BANP: variants seen among roughly 807,000 people sequenced by gnomAD.
BANP encodes BTG3 associated nuclear protein.
In BANP, 11 loss-of-function variants were observed where a neutral mutation model predicts 68.1. The observed-to-expected ratio is 0.16, with a 90% CI of 0.10 to 0.27. The LOEUF (loss-of-function observed/expected upper bound fraction) is 0.27, where lower values mean the gene tolerates loss of function less well. Ranked by LOEUF, BANP falls within the 10% of genes least tolerant of loss-of-function variation. BANP has a pLI of 1.00. For missense variants in BANP, 504 were observed against 722.7 expected (o/e 0.70, Z 3.47); for synonymous variants, 329 against 303.2 (o/e 1.09, Z -0.88).
At position 88,035,403 on chromosome 16, in the gene BANP, G is replaced by T. The variant is rs777301306; in HGVS notation, c.1272+9G>T. The T allele has an allele frequency of 9.4e-6, 15 of 1,601,958 alleles. No homozygotes were observed. In the South Asian group the frequency reaches 1.3e-4, roughly 14 times the overall value. On this transcript the variant is annotated intron_variant, in intron 10 of 13. Coordinates refer to ENST00000682872, the MANE Select transcript of BANP (RefSeq NM_001386991.1). ...TCACGCAGGACAGCGAGGTGAGTCA[G>T]CTCTCGCTGCAGCACTGTCCCTGCA...
intron 12 of BANP, among the ~76,000 whole-genome samples, chr16:88,068,058 C>G (rs534388357): frequency 2.0e-5 from 3 of 152,240 alleles, no homozygotes. Flanking sequence ...CACTGCTCTG[C>G]GTGTGGCCAC....
chr16:87,996,164 G>C (rs1231775088), intron 4 of BANP, among the ~76,000 whole-genome samples: 3 of 152,204 alleles, frequency 2.0e-5, no homozygotes. Flanking sequence ...ACCGACGGCG[G>C]TGTCTGGAGT....
At chr16:87,990,651 ATTCTT>A (rs1200513356) in intron 4 of BANP, among the ~76,000 whole-genome samples, 3 of 152,126 alleles carry the variant, frequency 2.0e-5, no homozygotes, top group African/African-American at 4.8e-5. Context: ...GTTTTGTTTA[ATTCTT>A]TTCTTATTTA....
At chr16:88,055,923 T>C (rs1598942631) in intron 11 of BANP, among the ~76,000 whole-genome samples, 1 of 152,202 alleles carries the variant, frequency 6.6e-6, no homozygotes, top group African/African-American at 2.4e-5. Context: ...GAAAATGTAA[T>C]TTAAATCATA....
At chr16:87,999,233 C>T (rs539623627) in intron 4 of BANP, among the ~76,000 whole-genome samples, 14 of 131,848 alleles carry the variant, frequency 1.1e-4, no homozygotes, top group African/African-American at 4.1e-4. Flanking sequence ...TCTCCATGCA[C>T]GCACGTGCGC....
At chr16:87,981,219 T>C in intron 3 of BANP, 92 bp downstream of exon 3, 11 of 954,284 alleles carry the variant, frequency 1.2e-5, no homozygotes, top group South Asian at 1.1e-4. Context: ...GGCTTCAAAA[T>C]GTAGCCTCTC....
intron 1 of BANP, among the ~76,000 whole-genome samples, chr16:87,958,876 G>A (rs1024144149): frequency 6.6e-6 from 1 of 152,240 alleles, no homozygotes; most frequent in African/African-American, 2.4e-5. Context: ...GCCCAGCAGT[G>A]TTTGCAGAGG....
rs4843843 is a variant in BANP at position 88,011,096 on chromosome 16, A to T, written c.655+4831A>T. 2.6e-5 allele frequency among the ~76,000 whole-genome samples: 4 copies of T among 152,288 alleles called. No individual in the cohort carries two copies. The East Asian group carries it at 7.7e-4, about 29-fold the overall frequency. On this transcript the variant is annotated intron_variant, in intron 6 of 13. Coordinates refer to ENST00000682872, the MANE Select transcript of BANP (RefSeq NM_001386991.1). The stretch of plus-strand genomic sequence containing the variant: ...GGGAGACAGCAGCGTGAGAACAGTC[A>T]TGGCTCTGAGTGCCACAGAGCGGCC...
intron 4 of BANP, among the ~76,000 whole-genome samples, chr16:87,985,377 G>A (rs984601873): frequency 6.6e-6 from 1 of 152,188 alleles, no homozygotes; most frequent in Non-Finnish European, 1.5e-5. Flanking sequence ...CCTTCACCCT[G>A]CACAAATGCT....
intron 9 of BANP, among the ~76,000 whole-genome samples, chr16:88,033,783 A>G (rs940193096): frequency 4.6e-5 from 7 of 152,200 alleles, no homozygotes; most frequent in Non-Finnish European, 8.8e-5. Flanking sequence ...GGAGTTCTCT[A>G]TTGGGGTTTT....
At position 87,954,955 on chromosome 16, in the gene BANP, G is replaced by A. The variant is rs183184915; in HGVS notation, c.-69+3440G>A. Among the ~76,000 whole-genome samples, 223 of 152,326 alleles carry A rather than the reference G, an allele frequency of 1.5e-3. 2 individuals carry two copies. The highest frequency in any genetic ancestry group is 5.3e-3 in the African/African-American group (219 of 41,574). ...CAACGGGGTGAGGTGCCAAGCCGCC[G>A]TTCCACAGCCGCCTCTGAATTGCAG... On this transcript the variant is annotated intron_variant, in intron 1 of 13. Transcript: ENST00000682872.
intron 12 of BANP, among the ~76,000 whole-genome samples, chr16:88,070,477 G>A (rs61672096): frequency 0.084 from 12,794 of 152,156 alleles, 706 homozygotes; most frequent in East Asian, 0.17. Context: ...GCAGAAGGTC[G>A]ACCGCTCCTT....
At chr16:87,949,413 A>G (rs1182614725), upstream of BANP, 1 of 152,214 alleles carries the variant, frequency 6.6e-6, no homozygotes, top group Non-Finnish European at 1.5e-5. Flanking sequence ...TCCCTAGAAC[A>G]TGTTTTGTCC....
At chr16:88,039,985 T>G (rs2080342441) in intron 11 of BANP, among the ~76,000 whole-genome samples, 2 of 152,218 alleles carry the variant, frequency 1.3e-5, no homozygotes, top group Non-Finnish European at 2.9e-5. Context: ...AATAATAATT[T>G]ATAAATCACC....
upstream of BANP, among the ~76,000 whole-genome samples, chr16:87,949,919 C>T (rs374475509): frequency 1.3e-5 from 2 of 151,368 alleles, no homozygotes; most frequent in East Asian, 1.9e-4. Flanking sequence ...GTTCTGCTGC[C>T]CAGGCTGGAG....
intron 12 of BANP, among the ~76,000 whole-genome samples, chr16:88,068,286 G>A (rs1332637118): frequency 6.6e-6 from 1 of 152,240 alleles, no homozygotes; most frequent in African/African-American, 2.4e-5. Flanking sequence ...CACCTGGTTG[G>A]CGTGAACCTT....
chr16:88,063,137 C>A (rs1206184286), intron 11 of BANP, among the ~76,000 whole-genome samples: 1 of 152,214 alleles, frequency 6.6e-6, no homozygotes, highest in Non-Finnish European at 1.5e-5. Flanking sequence ...GAGGGCGCAC[C>A]GCGGCCTTCT....
In BANP at chr16:87,961,423, C is replaced by G. The variant is rs1358325825; in HGVS notation, c.-69+9908C>G. On this transcript the variant is annotated intron_variant, in intron 1 of 13. Transcript: ENST00000682872. ...ACAGAATCTGCACCCCCCCGGGCCT[C>G]CCAAAGTGCTGGGATTACGGGCGTG... 1.9e-4 allele frequency among the ~76,000 whole-genome samples: 28 copies of G among 145,858 alleles called. 1 individual carries two copies. Among genetic ancestry groups the G allele is most frequent in the Non-Finnish European group, 2.8e-4 (18 of 64,608 alleles).
At chr16:88,024,402 T>A (rs569698674) in intron 7 of BANP, among the ~76,000 whole-genome samples, 4 of 152,222 alleles carry the variant, frequency 2.6e-5, no homozygotes, top group South Asian at 4.1e-4. Flanking sequence ...TAAAAAAAAA[T>A]GTCTGTCAAA....
Sources: allele counts gnomAD v4.1 joint callset (sites outside exome capture counted in the v4.1 genomes callset), GRCh38; gene constraint gnomAD v4.1.1; transcripts MANE v1.5; gene names NCBI Gene and HGNC (gene_info 2026-07-23, HGNC 2026-07-21).